INIP: variants seen among roughly 807,000 people sequenced by gnomAD.
INIP encodes SOSS complex subunit C.
In INIP, 9 loss-of-function variants were observed where a neutral mutation model predicts 14.0. The ratio of observed to expected loss-of-function variants is 0.64; its 90% confidence interval spans 0.39 to 1.12. INIP has a LOEUF of 1.12. Ranked by LOEUF, INIP falls within the 50% of genes most tolerant of loss-of-function variation. INIP has a pLI of 0.01. For missense variants in INIP, 78 were observed against 122.7 expected, an observed-to-expected ratio of 0.64 and a Z score of 1.72; for synonymous variants, 37 against 41.5, an observed-to-expected ratio of 0.89 and a Z score of 0.41.
At chr9:112,711,023 A>G (rs545939399) in intron 2 of INIP, among the ~76,000 whole-genome samples, 2 of 151,894 alleles carry the variant, frequency 1.3e-5, no homozygotes, top group Non-Finnish European at 2.9e-5. Context: ...TACAGGAAAA[A>G]AAAAAAGAAA....
chr9:112,715,549 G>A (rs1044055776), intron 2 of INIP, among the ~76,000 whole-genome samples: 26 of 152,068 alleles, frequency 1.7e-4, no homozygotes, highest in African/African-American at 6.0e-4. Flanking sequence ...CAAGGCGGGC[G>A]GATCACCTGA....
At chr9:112,699,223 T>C (rs922167685) in intron 2 of INIP, among the ~76,000 whole-genome samples, 1 of 151,836 alleles carries the variant, frequency 6.6e-6, no homozygotes, top group African/African-American at 2.4e-5. Context: ...CTCAGGAGGC[T>C]GAGGCAGGAG....
At chr9:112,716,260 C>T (rs553654698) in intron 2 of INIP, among the ~76,000 whole-genome samples, 79 of 152,002 alleles carry the variant, frequency 5.2e-4, no homozygotes, top group African/African-American at 1.8e-3. Context: ...TTAGTAGAGA[C>T]GGGGTTCCTG....
intron 2 of INIP, among the ~76,000 whole-genome samples, chr9:112,703,459 G>A (rs773855986): frequency 4.6e-5 from 7 of 152,258 alleles, no homozygotes; most frequent in Admixed American, 2.0e-4. Context: ...TGGCTCACAT[G>A]TGTAATACCA....
intron 2 of INIP, among the ~76,000 whole-genome samples, chr9:112,697,957 G>A (rs906864670): frequency 3.3e-5 from 5 of 152,240 alleles, no homozygotes; most frequent in East Asian, 1.9e-4. Context: ...TATTTGCTTA[G>A]GGCAGTTTGC....
chr9:112,696,189 G>A (rs1215173213), intron 2 of INIP, among the ~76,000 whole-genome samples: 1 of 152,080 alleles, frequency 6.6e-6, no homozygotes, highest in African/African-American at 2.4e-5. Context: ...ACTGAGCTAA[G>A]CCCATTGTGG....
intron 4 of INIP, among the ~76,000 whole-genome samples, chr9:112,688,385 G>A (rs992700516): frequency 9.2e-5 from 14 of 152,014 alleles, no homozygotes; most frequent in African/African-American, 3.4e-4. Flanking sequence ...TGGAAGGAGA[G>A]GGGGGAAAAG....
At chr9:112,710,559 C>T (rs936062561) in intron 2 of INIP, among the ~76,000 whole-genome samples, 1 of 152,116 alleles carries the variant, frequency 6.6e-6, no homozygotes, top group Non-Finnish European at 1.5e-5. Flanking sequence ...TTCTACACTA[C>T]ATTGGACAGT....
chr9:112,696,455 G>GA (rs1838099428), intron 2 of INIP, among the ~76,000 whole-genome samples: 1 of 152,076 alleles, frequency 6.6e-6, no homozygotes, highest in Admixed American at 6.5e-5. Flanking sequence ...ACTGTTTTTG[G>GA]AAAAAACAAA....
At chr9:112,713,487 G>C (rs1838709616) in intron 2 of INIP, among the ~76,000 whole-genome samples, 1 of 152,074 alleles carries the variant, frequency 6.6e-6, no homozygotes, top group African/African-American at 2.4e-5. Context: ...GAGGCCAGGA[G>C]TTCAAGACCA....
intron 3 of INIP, among the ~76,000 whole-genome samples, chr9:112,690,165 GT>G (rs1837830122): frequency 6.6e-6 from 1 of 152,196 alleles, no homozygotes; most frequent in African/African-American, 2.4e-5. Context: ...TCCAAAGAGT[GT>G]TAGGCAGCAG....
At chr9:112,693,256 A>T (rs1837957869) in intron 3 of INIP, among the ~76,000 whole-genome samples, 3 of 152,168 alleles carry the variant, frequency 2.0e-5, no homozygotes, top group African/African-American at 7.2e-5. Flanking sequence ...TTAAAAATAA[A>T]AATAAAAGGC....
Position 112,686,389 on chromosome 9 carries a change from ATACT to A in INIP, c.*1145_*1148del, listed in dbSNP as rs1837665902. On this transcript the variant is annotated 3_prime_UTR_variant, in exon 5 of 5. Transcript: ENST00000374242. ...GACTAGGGTAGGGTAGTGGGACTGC[ATACT>A]TAAATAAGCACCCCAGATACTGCTA... 6.6e-6 allele frequency: 1 copy of A among 152,212 alleles called. No individual in the cohort carries two copies. The highest frequency in any genetic ancestry group is 2.1e-4 in the South Asian group (1 of 4,836). 9.4% of individuals were successfully genotyped at this position (152,212 alleles called of 1,614,324 possible). A position where few individuals can be genotyped will look rare whatever the true frequency, so the allele number is the denominator to read the frequency against.
At chr9:112,698,993 G>C (rs1052282308) in intron 2 of INIP, among the ~76,000 whole-genome samples, 1 of 151,976 alleles carries the variant, frequency 6.6e-6, no homozygotes. Flanking sequence ...ACATCTTTTA[G>C]GAAATTATTT....
chr9:112,703,002 A>G (rs1418410), intron 2 of INIP, among the ~76,000 whole-genome samples: 18,451 of 152,180 alleles, frequency 0.12, 1,265 homozygotes, highest in African/African-American at 0.17. Flanking sequence ...AATGAATTCA[A>G]CAAAAATACT....
At position 112,698,889 on chromosome 9, in the gene INIP, GGAATT is replaced by G. The variant is rs1205795525; in HGVS notation, c.26-4661_26-4657del. 4.6e-5 allele frequency among the ~76,000 whole-genome samples: 7 copies of G among 152,132 alleles called. No homozygotes were observed. In the East Asian group the frequency reaches 1.2e-3, roughly 25 times the overall value. ...CCCTCCAGATACAGACGTAGAGAAG[GGAATT>G]GTTCTTCAGACTTCAATAATGTTTG... On this transcript the variant is annotated intron_variant, in intron 2 of 4. Coordinates refer to ENST00000374242, the MANE Select transcript of INIP (RefSeq NM_021218.3).
Position 112,689,529 on chromosome 9 carries a change from G to C in INIP, c.217C>G (p.Gln73Glu). ...HIAAQQKAAL[Q>E]HAHAHSSGYF... ...AGAATGTCAGTTACACTGCTCACCT[G>C]CAAAGCTGCCTTCTGTTGGGCTGCA... Residue 73 changes from glutamine (Q) to glutamate (E), a missense_variant and splice_region_variant, in exon 4 of 5, where the codon CAG becomes GAG. Gln to Glu is a conservative substitution (Grantham distance 29). Coordinates refer to ENST00000374242, the MANE Select transcript of INIP (RefSeq NM_021218.3). The C allele has an allele frequency of 6.2e-7, 1 of 1,613,706 alleles. No homozygotes were observed. Among genetic ancestry groups the C allele is most frequent in the Non-Finnish European group, 8.5e-7 (1 of 1,179,606 alleles).
At chr9:112,698,376 A>T (rs1215949939) in intron 2 of INIP, among the ~76,000 whole-genome samples, 1 of 151,716 alleles carries the variant, frequency 6.6e-6, no homozygotes, top group Non-Finnish European at 1.5e-5. Flanking sequence ...CAGCTCCAAC[A>T]CATGAAGGTT....
At chr9:112,715,959 C>T (rs937905213) in intron 2 of INIP, among the ~76,000 whole-genome samples, 10 of 152,118 alleles carry the variant, frequency 6.6e-5, no homozygotes, top group Non-Finnish European at 7.4e-5. Context: ...TTTTTCAGCT[C>T]CATTACCATC....
Sources: gnomAD v4.1 joint callset for allele counts (sites outside exome capture counted in the v4.1 genomes callset) on GRCh38, gnomAD v4.1.1 for gene constraint, MANE v1.5 for transcripts, NCBI Gene and HGNC (gene_info 2026-07-23, HGNC 2026-07-21) for gene names.